Variants in EIF4E1B observed in about 807,000 individuals in gnomAD.
The protein encoded by EIF4E1B is eukaryotic translation initiation factor 4E type 1B.
Under a neutral mutation model 31.3 loss-of-function variants are expected in EIF4E1B, and 22 were observed. The ratio of observed to expected loss-of-function variants is 0.70; its 90% CI spans 0.50 to 1.00. The LOEUF (loss-of-function observed/expected upper bound fraction) is 1.00. EIF4E1B is among the 50% of genes least tolerant of loss of function. EIF4E1B has a pLI of 0.00. For missense variants in EIF4E1B, 290 were observed against 311.6 expected, an observed-to-expected ratio of 0.93 and a Z score of 0.52; for synonymous variants, 126 against 120.2, an observed-to-expected ratio of 1.05 and a Z score of -0.31.
chr5:176,635,777 G>C (rs1366644594), intron 1 of EIF4E1B, among the ~76,000 whole-genome samples: 1 of 152,102 alleles, frequency 6.6e-6, no homozygotes, highest in African/African-American at 2.4e-5. Flanking sequence ...GGGGAGGTAG[G>C]GTAAAAAGAA....
At chr5:176,643,797 C>A in intron 5 of EIF4E1B, 63 bp downstream of exon 5, 2 of 1,525,872 alleles carry the variant, frequency 1.3e-6, no homozygotes, top group Middle Eastern at 1.7e-4. Flanking sequence ...TCCCTCTCTC[C>A]GGGTTGAGCC....
intron 1 of EIF4E1B, among the ~76,000 whole-genome samples, chr5:176,632,525 G>A (rs1023943708): frequency 2.0e-5 from 3 of 152,186 alleles, no homozygotes; most frequent in Non-Finnish European, 2.9e-5. Flanking sequence ...CAAAGTGCTG[G>A]GATTATAGGC....
intron 5 of EIF4E1B, chr5:176,643,962 C>T (rs370040796): frequency 3.2e-5 from 19 of 587,234 alleles, no homozygotes; most frequent in African/African-American, 9.3e-5. Context: ...GACCTTGACT[C>T]GGCCACTCCA....
chr5:176,642,862 C>CAT, intron 3 of EIF4E1B, 60 bp downstream of exon 3: 4 of 1,287,084 alleles, frequency 3.1e-6, no homozygotes, highest in Non-Finnish European at 4.0e-6. Flanking sequence ...CCCCCCCCCC[C>CAT]CCCGCCCCAG....
intron 1 of EIF4E1B, among the ~76,000 whole-genome samples, chr5:176,637,568 C>A (rs1382326918): frequency 3.3e-5 from 5 of 152,118 alleles, no homozygotes; most frequent in Non-Finnish European, 1.5e-5. Flanking sequence ...GGAATTGCTG[C>A]ACTGGGCTGA....
At chr5:176,633,637 C>T (rs1159225970) in intron 1 of EIF4E1B, among the ~76,000 whole-genome samples, 1 of 152,052 alleles carries the variant, frequency 6.6e-6, no homozygotes, top group Non-Finnish European at 1.5e-5. Context: ...TTAATAAACT[C>T]CTTATTTGCT....
At chr5:176,639,146 T>C (rs1293206466) in intron 1 of EIF4E1B, among the ~76,000 whole-genome samples, 1 of 152,164 alleles carries the variant, frequency 6.6e-6, no homozygotes, top group Non-Finnish European at 1.5e-5. Context: ...ATATTTTAAA[T>C]GATCCCCCCG....
In EIF4E1B at chr5:176,645,306, T is replaced by C. The variant is rs1225978450; in HGVS notation, c.474+63T>C. 15 of 1,573,700 alleles carry C rather than the reference T, an allele frequency of 9.5e-6. No homozygotes were observed. In the East Asian group the frequency reaches 3.4e-4, roughly 36 times the overall value. On this transcript the variant is annotated intron_variant, in intron 7 of 8. Transcript: ENST00000318682. The surrounding 1 kb of genome is among the most constrained non-coding windows in gnomAD (Gnocchi z 5.4). ...GGCTGTGTGGGTCTCATGGTGGCAGTGGTCTCAAGGATGGCAGGCCAGTCC... is the reference window on the plus strand; with the variant it reads ...GGCTGTGTGGGTCTCATGGTGGCAGCGGTCTCAAGGATGGCAGGCCAGTCC...
At chr5:176,642,844 CGCCCTCT>C in intron 3 of EIF4E1B, 42 bp downstream of exon 3, 2 of 1,433,560 alleles carry the variant, frequency 1.4e-6, no homozygotes, top group Non-Finnish European at 1.8e-6. Flanking sequence ...ACCATGGCCC[CGCCCTCT>C]CCCCCCCCCC....
At chr5:176,640,614 T>C (rs1760557597) in intron 1 of EIF4E1B, among the ~76,000 whole-genome samples, 1 of 152,202 alleles carries the variant, frequency 6.6e-6, no homozygotes, top group Non-Finnish European at 1.5e-5. Context: ...TCCTAGTCAG[T>C]GTTTCCCCAC....
chr5:176,644,961 G>T (rs1033598131), intron 6 of EIF4E1B, among the ~76,000 whole-genome samples, 169 bp from the exon 7 acceptor site: 11 of 152,156 alleles, frequency 7.2e-5, no homozygotes, highest in Admixed American at 7.2e-4. Context: ...TGTCTGTCGG[G>T]GGGAGCTGAG....
intron 6 of EIF4E1B, chr5:176,644,750 G>C: frequency 6.0e-6 from 3 of 498,930 alleles, no homozygotes; most frequent in Non-Finnish European, 1.1e-5. Flanking sequence ...CATCCCTGGA[G>C]GGCTGACATT....
Position 176,645,671 on chromosome 5 carries a change from T to G in EIF4E1B, c.614+155T>G, listed in dbSNP as rs1181989415. The G allele has an allele frequency of 8.0e-7, 1 of 1,242,518 alleles. No homozygotes were observed. Among genetic ancestry groups the G allele is most frequent in the African/African-American group, 1.5e-5 (1 of 65,724 alleles). The allele number at this position is 1,242,518 out of a possible 1,614,324, so 77.0% of individuals were successfully genotyped here. ...CTGTATGGAAGGTCTGGCGTTCAGATTTCTAACTTTCTCTTACGGCAGTGC... is the reference window on the plus strand; with the variant it reads ...CTGTATGGAAGGTCTGGCGTTCAGAGTTCTAACTTTCTCTTACGGCAGTGC... On this transcript the variant is annotated intron_variant, in intron 8 of 8. Coordinates refer to ENST00000318682, the MANE Select transcript of EIF4E1B (RefSeq NM_001099408.2). This position sits in a 1 kb window ranked among gnomAD's most constrained non-coding sequence, Gnocchi z 5.4.
chr5:176,643,581 C>G, intron 4 of EIF4E1B, 58 bp from the exon 5 acceptor site: 1 of 1,518,958 alleles, frequency 6.6e-7, no homozygotes, highest in East Asian at 2.4e-5. Context: ...GTCCAGGTGC[C>G]CCGGGGGTGG....
rs1760713286 is a variant in EIF4E1B at position 176,646,405 on chromosome 5, C to T, written c.*425C>T. The stretch of plus-strand genomic sequence containing the variant: ...TGGAGGGTGAACGCCATCATTTGTA[C>T]AGAGGGATACGTGGGTTGCTGAGGA... On this transcript the variant is annotated 3_prime_UTR_variant, in exon 9 of 9. Transcript: ENST00000318682. 5.7e-6 allele frequency: 1 copy of T among 174,790 alleles called. No homozygotes were observed. The highest frequency in any genetic ancestry group is 1.3e-4 in the South Asian group (1 of 7,648). 10.8% of individuals were successfully genotyped at this position (174,790 alleles called of 1,614,324 possible).
intron 1 of EIF4E1B, among the ~76,000 whole-genome samples, chr5:176,635,381 G>T (rs1217948323): frequency 6.6e-6 from 1 of 152,122 alleles, no homozygotes; most frequent in Non-Finnish European, 1.5e-5. Context: ...GGGCAGCAGG[G>T]GACAGCCTCC....
intron 2 of EIF4E1B, 64 bp from the exon 3 acceptor site, chr5:176,642,646 C>G (rs1760598015): frequency 7.3e-6 from 10 of 1,375,308 alleles, no homozygotes; most frequent in Non-Finnish European, 9.9e-6. Flanking sequence ...TGGGGTCACC[C>G]TCCACGGGAT....
Position 176,645,750 on chromosome 5 carries a change from CACA to C in EIF4E1B, c.615-112_615-110del, listed in dbSNP as rs1348711138. On this transcript the variant is annotated intron_variant, in intron 8 of 8. Transcript: ENST00000318682. This position sits in a 1 kb window ranked among gnomAD's most constrained non-coding sequence, Gnocchi z 5.4. ...ATTTTGGGTTTCCACATGGGTAAGA[CACA>C]ACAGGTGTGGCTGTGGCCAGAATGA... 8.9e-6 allele frequency: 10 copies of C among 1,127,624 alleles called. No individual in the cohort carries two copies. Among genetic ancestry groups the C allele is most frequent in the Non-Finnish European group, 1.2e-5 (10 of 806,690 alleles). The allele number at this position is 1,127,624 out of a possible 1,614,324, so 69.9% of individuals were successfully genotyped here. A position where few individuals can be genotyped will look rare whatever the true frequency, so the allele number is the denominator to read the frequency against.
At chr5:176,634,813 GCACCCGCCAC>G (rs1760468083) in intron 1 of EIF4E1B, among the ~76,000 whole-genome samples, 1 of 151,730 alleles carries the variant, frequency 6.6e-6, no homozygotes, top group African/African-American at 2.4e-5. Flanking sequence ...GGGATTACAG[GCACCCGCCAC>G]CACACCTGGC....
Sources: gnomAD v4.1 joint callset for allele counts (sites outside exome capture counted in the v4.1 genomes callset) on GRCh38, gnomAD v4.1.1 for gene constraint, Gnocchi (gnomAD v3.1) non-coding constraint, MANE v1.5 for transcripts, NCBI Gene and HGNC (gene_info 2026-07-23, HGNC 2026-07-21) for gene names.